Variants in ZZZ3 observed in about 807,000 individuals in gnomAD.
ZZZ3 encodes zinc finger ZZ-type containing 3.
In ZZZ3, 22 loss-of-function variants were observed where a neutral mutation model predicts 95.2. The observed-to-expected ratio is 0.23, with a 90% CI of 0.17 to 0.33. The LOEUF is 0.33. Among genes scored for constraint, ZZZ3 ranks in the 10% least tolerant of loss-of-function variants. ZZZ3 has a pLI of 1.00. For missense variants in ZZZ3, 885 were observed against 1,066.5 expected, an observed-to-expected ratio of 0.83 and a Z score of 2.37; for synonymous variants, 335 against 358.9, an observed-to-expected ratio of 0.93 and a Z score of 0.75.
At chr1:77,640,216 CCAGA>C (rs1406273945) in intron 3 of ZZZ3, among the ~76,000 whole-genome samples, 2 of 152,036 alleles carry the variant, frequency 1.3e-5, no homozygotes, top group African/African-American at 4.8e-5. Context: ...ACCCAATTAG[CCAGA>C]CAATTTAATT....
intron 8 of ZZZ3, 57 bp from the exon 9 acceptor site, chr1:77,581,126 A>T (rs1662476268): frequency 7.6e-7 from 1 of 1,310,172 alleles, no homozygotes; most frequent in South Asian, 1.2e-5. Context: ...ATCCTTTGAT[A>T]TAGCCAAATA....
At chr1:77,637,750 G>A (rs1413777465) in intron 4 of ZZZ3, among the ~76,000 whole-genome samples, 1 of 152,176 alleles carries the variant, frequency 6.6e-6, no homozygotes, top group Non-Finnish European at 1.5e-5. Flanking sequence ...GACTAAAGCA[G>A]TTGTTTTCCT....
At chr1:77,589,155 G>A (rs1174197554) in intron 5 of ZZZ3, among the ~76,000 whole-genome samples, 1 of 152,154 alleles carries the variant, frequency 6.6e-6, no homozygotes, top group Non-Finnish European at 1.5e-5. Context: ...GGGATTATAG[G>A]CGTGAGCCCC....
At chr1:77,618,432 T>C (rs1027082977) in intron 5 of ZZZ3, among the ~76,000 whole-genome samples, 1 of 151,890 alleles carries the variant, frequency 6.6e-6, no homozygotes, top group Non-Finnish European at 1.5e-5. Context: ...AGGAAGCCAA[T>C]GCCATCTGCA....
chr1:77,682,771 A>C (rs1672912264), upstream of ZZZ3: 1 of 152,244 alleles, frequency 6.6e-6, no homozygotes, highest in Admixed American at 6.5e-5. Context: ...GGAACTTAAA[A>C]AGCACTTCAC....
At chr1:77,682,982 T>G (rs1356931167), upstream of ZZZ3, among the ~76,000 whole-genome samples, 1 of 152,068 alleles carries the variant, frequency 6.6e-6, no homozygotes, top group Admixed American at 6.5e-5. Flanking sequence ...GCCCGTCACG[T>G]GGGCCGCTAC....
At chr1:77,660,512 A>G (rs577554098) in intron 1 of ZZZ3, among the ~76,000 whole-genome samples, 69 of 152,312 alleles carry the variant, frequency 4.5e-4, no homozygotes, top group African/African-American at 1.6e-3. Flanking sequence ...ACTTAACATA[A>G]TGTCCTCAAG....
intron 5 of ZZZ3, among the ~76,000 whole-genome samples, chr1:77,600,967 A>T (rs370816944): frequency 9.2e-5 from 14 of 152,206 alleles, no homozygotes; most frequent in African/African-American, 3.4e-4. Flanking sequence ...CTGGAGAATC[A>T]CAAAAGTTTT....
intron 5 of ZZZ3, among the ~76,000 whole-genome samples, chr1:77,628,223 T>G (rs569026814): frequency 3.5e-4 from 54 of 152,338 alleles, no homozygotes; most frequent in African/African-American, 1.3e-3. Context: ...CATTAGGTAC[T>G]GTATTATCTA....
At chr1:77,615,208 G>A (rs927017219) in intron 5 of ZZZ3, among the ~76,000 whole-genome samples, 8 of 152,168 alleles carry the variant, frequency 5.3e-5, no homozygotes, top group South Asian at 2.1e-4. Flanking sequence ...AGGGTCATTC[G>A]AATTTCAACA....
In ZZZ3 at chr1:77,569,332, G is replaced by A. The variant is rs191621895; in HGVS notation, c.2332-866C>T. On this transcript the variant is annotated intron_variant, in intron 12 of 14. Coordinates refer to ENST00000370801, the MANE Select transcript of ZZZ3 (RefSeq NM_015534.6). Reference sequence around the variant, plus strand: ...AGCCTGGGAGACAGAGTGAGACTCCGTCTCAAAATTAAAAAATAAAATAAA... The same window carrying A: ...AGCCTGGGAGACAGAGTGAGACTCCATCTCAAAATTAAAAAATAAAATAAA... 7.1e-4 allele frequency among the ~76,000 whole-genome samples: 108 copies of A among 151,936 alleles called. 1 individual carries two copies. Among genetic ancestry groups the A allele is most frequent in the Middle Eastern group, 3.4e-3 (1 of 294 alleles).
intron 5 of ZZZ3, among the ~76,000 whole-genome samples, chr1:77,589,575 C>A (rs1450244474): frequency 2.0e-5 from 3 of 151,878 alleles, no homozygotes; most frequent in African/African-American, 4.8e-5. Flanking sequence ...GTAGCTAGGG[C>A]CACAGGTATG....
intron 5 of ZZZ3, among the ~76,000 whole-genome samples, chr1:77,589,466 G>C (rs1324777687): frequency 2.0e-5 from 3 of 148,792 alleles, no homozygotes; most frequent in Non-Finnish European, 4.5e-5. Flanking sequence ...ATTTGATGGA[G>C]TCTCACGCTC....
At chr1:77,576,267 C>A in intron 11 of ZZZ3, 47 bp from the exon 12 acceptor site, 4 of 1,466,218 alleles carry the variant, frequency 2.7e-6, no homozygotes, top group Non-Finnish European at 3.7e-6. Flanking sequence ...AAAATCATTA[C>A]AAGAATCAAA....
At chr1:77,654,573 T>A (rs1267499566) in intron 1 of ZZZ3, among the ~76,000 whole-genome samples, 1 of 152,096 alleles carries the variant, frequency 6.6e-6, no homozygotes, top group Non-Finnish European at 1.5e-5. Flanking sequence ...TACATGTACA[T>A]AAGGTTGGTT....
intron 5 of ZZZ3, among the ~76,000 whole-genome samples, chr1:77,616,158 T>C (rs1666293777): frequency 6.6e-6 from 1 of 152,182 alleles, no homozygotes; most frequent in Non-Finnish European, 1.5e-5. Flanking sequence ...CAATCGTTGA[T>C]TTTTCTTTAA....
chr1:77,679,887 G>A (rs529951437), intron 1 of ZZZ3, among the ~76,000 whole-genome samples: 1 of 152,222 alleles, frequency 6.6e-6, no homozygotes. Context: ...TTTCGTGTCT[G>A]TAAAAGACTG....
chr1:77,604,262 CAT>C (rs1665017821), intron 5 of ZZZ3, among the ~76,000 whole-genome samples: 1 of 152,164 alleles, frequency 6.6e-6, no homozygotes, highest in East Asian at 1.9e-4. Context: ...GCTAGGCATT[CAT>C]ATATTTTTAT....
At chr1:77,609,418 T>C (rs187984223) in intron 5 of ZZZ3, among the ~76,000 whole-genome samples, 2 of 152,186 alleles carry the variant, frequency 1.3e-5, no homozygotes, top group Admixed American at 6.5e-5. Flanking sequence ...AAGAGAGAGA[T>C]AGACCCCAAT....
Sources: gnomAD v4.1 joint callset for allele counts (sites outside exome capture counted in the v4.1 genomes callset) on GRCh38, gnomAD v4.1.1 for gene constraint, MANE v1.5 for transcripts, NCBI Gene and HGNC (gene_info 2026-07-23, HGNC 2026-07-21) for gene names.